CCDC196: variants seen among roughly 807,000 people sequenced by gnomAD.
CCDC196 encodes coiled-coil domain-containing protein 196.
Position 66,486,766 on chromosome 14 carries a change from T to C in CCDC196, c.160T>C (p.Leu54=). Residue 54 remains leucine, a synonymous_variant, in exon 2 of 10, where the codon TTA becomes CTA. Transcript: ENST00000636229. The part of the protein sequence containing the change: ...LKPLEDKNNL[L]FQKLMSNLEE... The stretch of plus-strand genomic sequence containing the variant: ...ACCTCTAGAAGATAAAAACAACCTC[T>C]TATTTCAAAAGTTAATGTCTAACTT... 1 of 413,384 alleles carries C rather than the reference T, an allele frequency of 2.4e-6. No homozygotes were observed. The highest frequency in any genetic ancestry group is 3.6e-5 in the East Asian group (1 of 28,070). The allele number at this position is 413,384 out of a possible 1,614,324, so 25.6% of individuals were successfully genotyped here.
intron 8 of CCDC196, chr14:66,496,179 A>G: frequency 2.3e-6 from 1 of 442,870 alleles, no homozygotes; most frequent in Non-Finnish European, 4.5e-6. Flanking sequence ...GAAAGGGTGG[A>G]ATATAATTTT....
At chr14:66,489,575 AATT>A (rs1322828307) in intron 4 of CCDC196, among the ~76,000 whole-genome samples, 9 of 152,066 alleles carry the variant, frequency 5.9e-5, no homozygotes, top group African/African-American at 1.4e-4. Context: ...TATAATATAA[AATT>A]ATTATTATTG....
At chr14:66,496,800 C>T (rs1267586952) in intron 8 of CCDC196, 1 of 161,012 alleles carries the variant, frequency 6.2e-6, no homozygotes, top group Non-Finnish European at 1.4e-5. Context: ...CTTTTCTCTC[C>T]TCCCCTCAAT....
intron 2 of CCDC196, among the ~76,000 whole-genome samples, chr14:66,487,653 G>A (rs112878934): frequency 4.9e-4 from 74 of 152,280 alleles, no homozygotes; most frequent in African/African-American, 1.5e-3. Flanking sequence ...ACTTCTTAAT[G>A]GCTTGCATTC....
Position 66,498,353 on chromosome 14 carries a change from A to G in CCDC196, c.775A>G (p.Arg259Gly), listed in dbSNP as rs2057715639. The G allele has an allele frequency of 7.9e-6, 3 of 378,374 alleles. No homozygotes were observed. Among genetic ancestry groups the G allele is most frequent in the African/African-American group, 5.2e-5 (2 of 38,360 alleles). The allele number at this position is 378,374 out of a possible 1,614,324, so 23.4% of individuals were successfully genotyped here. A position where few individuals can be genotyped will look rare whatever the true frequency, so the allele number is the denominator to read the frequency against. ...VTTGRNEHHV[R>G]ILGTKIYTEQ... ...TTTTCCTCTGTTTTTTCCTGTCTAG[A>G]GAATTCTGGGAACAAAGATCTACAC... Residue 259 changes from arginine (R) to glycine (G), a missense_variant and splice_region_variant, in exon 10 of 10, where the codon AGA becomes GGA. Coordinates refer to ENST00000636229, the MANE Select transcript of CCDC196 (RefSeq NM_001351576.1).
intron 2 of CCDC196, among the ~76,000 whole-genome samples, chr14:66,487,718 T>C (rs754784275): frequency 6.3e-4 from 96 of 152,114 alleles, no homozygotes; most frequent in African/African-American, 2.2e-3. Context: ...AATGTCCTCA[T>C]AGGAAGAAGC....
At chr14:66,488,880 T>A (rs963456449) in intron 3 of CCDC196, 107 bp from the exon 4 acceptor site, 4 of 410,536 alleles carry the variant, frequency 9.7e-6, no homozygotes, top group Non-Finnish European at 1.8e-5. Flanking sequence ...TGGTTTACTA[T>A]GTCCCTGGAC....
chr14:66,496,260 A>G, intron 8 of CCDC196: 1 of 456,246 alleles, frequency 2.2e-6, no homozygotes, highest in Non-Finnish European at 4.4e-6. Context: ...TGAAGAGTTT[A>G]CCTCAGTACT....
At position 66,486,546 on chromosome 14, in the gene CCDC196, A is replaced by G; in HGVS notation, c.44A>G (p.Glu15Gly). ...TCTTCAGGATCTTACCTGCCCTCAG[A>G]AATAAGGTGAGTCTTTGATGGAAAA... ...ANSSGSYLPS[E>G]IRSSKIDDNY... Residue 15 changes from glutamate to glycine, a missense_variant, in exon 1 of 10, where the codon GAA becomes GGA. Physicochemically the swap from Glu to Gly is moderately conservative, Grantham distance 98. Transcript: ENST00000636229. 1 of 413,160 alleles carries G rather than the reference A, an allele frequency of 2.4e-6. No homozygotes were observed. Among genetic ancestry groups the G allele is most frequent in the Non-Finnish European group, 4.4e-6 (1 of 226,078 alleles). 25.6% of individuals were successfully genotyped at this position (413,160 alleles called of 1,614,324 possible).
Position 66,490,752 on chromosome 14 carries a change from C to A in CCDC196, c.362C>A (p.Ala121Glu). The change falls in exon 5 of 10, where the codon GCA (alanine) becomes GAA (glutamate). Residue 121 changes from alanine (A) to glutamate (E), a missense_variant. By Grantham distance (107) the Ala-to-Glu change is moderately radical (BLOSUM62 -1). Coordinates refer to ENST00000636229, the MANE Select transcript of CCDC196 (RefSeq NM_001351576.1). The stretch of plus-strand genomic sequence containing the variant: ...AATGTCTTTCCACAGACATTCGAGG[C>A]AGAAGAACTTAGTGATCAACAAAAA... ...MEMLWNKTFEAEELSDQQKAP... is the reference protein window; with the variant it reads ...MEMLWNKTFEEEELSDQQKAP... 1 of 399,454 alleles carries A rather than the reference C, an allele frequency of 2.5e-6. No individual in the cohort carries two copies. Among genetic ancestry groups the A allele is most frequent in the Admixed American group, 4.4e-5 (1 of 22,716 alleles). 24.7% of individuals were successfully genotyped at this position (399,454 alleles called of 1,614,324 possible).
chr14:66,489,467 T>C (rs2057487896), intron 4 of CCDC196, among the ~76,000 whole-genome samples: 1 of 152,214 alleles, frequency 6.6e-6, no homozygotes, highest in Non-Finnish European at 1.5e-5. Context: ...AAATGTCATC[T>C]CCTTAGAGAA....
In CCDC196 at chr14:66,498,423, G is replaced by T; in HGVS notation, c.845G>T (p.Gly282Val). Reference protein sequence around the residue: ...TKGSQLDNTGGRLFFLRSLPD... With the variant: ...TKGSQLDNTGVRLFFLRSLPD... ...GGAAGTCAGCTTGATAATACAGGAGGGAGACTCTTTTTTCTGAGGTCATTG... is the reference window on the plus strand; with the variant it reads ...GGAAGTCAGCTTGATAATACAGGAGTGAGACTCTTTTTTCTGAGGTCATTG... The change falls in exon 10 of 10, where the codon GGG becomes GTG. Residue 282 changes from glycine (G) to valine (V), a missense_variant. Coordinates refer to ENST00000636229, the MANE Select transcript of CCDC196 (RefSeq NM_001351576.1). 1 of 413,468 alleles carries T rather than the reference G, an allele frequency of 2.4e-6. No individual in the cohort carries two copies. 25.6% of individuals were successfully genotyped at this position (413,468 alleles called of 1,614,324 possible).
At chr14:66,497,781 A>G (rs906929118) in intron 8 of CCDC196, among the ~76,000 whole-genome samples, 3 of 151,852 alleles carry the variant, frequency 2.0e-5, no homozygotes, top group Non-Finnish European at 2.9e-5. Flanking sequence ...TCCACTATCT[A>G]TAATTGACCA....
intron 8 of CCDC196, among the ~76,000 whole-genome samples, chr14:66,497,409 G>C (rs1274001420): frequency 6.6e-6 from 1 of 151,946 alleles, no homozygotes; most frequent in African/African-American, 2.4e-5. Context: ...TAATTTGTGG[G>C]CATCACACAC....
intron 7 of CCDC196, among the ~76,000 whole-genome samples, 165 bp from the exon 8 acceptor site, chr14:66,491,888 C>T (rs1457419): frequency 0.33 from 49,974 of 151,986 alleles, 12,178 homozygotes; most frequent in African/African-American, 0.66. Context: ...TTCTTGATTT[C>T]GTTCTATTCT....
chr14:66,486,754 A>G lies in CCDC196; in HGVS notation c.148A>G (p.Lys50Glu). 1 of 413,448 alleles carries G rather than the reference A, an allele frequency of 2.4e-6. No homozygotes were observed. The highest frequency in any genetic ancestry group is 4.4e-6 in the Non-Finnish European group (1 of 226,104). 25.6% of individuals were successfully genotyped at this position (413,448 alleles called of 1,614,324 possible). The change falls in exon 2 of 10, where the codon AAA (lysine) becomes GAA (glutamate). Residue 50 changes from lysine (K) to glutamate (E), a missense_variant. Physicochemically the swap from Lys to Glu is moderately conservative, Grantham distance 56. Transcript: ENST00000636229. The part of the protein sequence containing the change: ...LLEMLKPLED[K>E]NNLLFQKLMS... Reference sequence around the variant, plus strand: ...AGAGATGCTCAAACCTCTAGAAGATAAAAACAACCTCTTATTTCAAAAGTT... The same window carrying G: ...AGAGATGCTCAAACCTCTAGAAGATGAAAACAACCTCTTATTTCAAAAGTT...
At chr14:66,491,190 G>T (rs1353785120) in intron 6 of CCDC196, 86 bp downstream of exon 6, 1 of 406,934 alleles carries the variant, frequency 2.5e-6, no homozygotes, top group East Asian at 3.6e-5. Flanking sequence ...CTAAGGTATG[G>T]TGTGCTCTTG....
chr14:66,487,823 T>G (rs1217459594), intron 2 of CCDC196, among the ~76,000 whole-genome samples: 2 of 152,116 alleles, frequency 1.3e-5, no homozygotes, highest in Non-Finnish European at 2.9e-5. Flanking sequence ...AACCTCTTCT[T>G]ATAAAGGGGG....
chr14:66,491,435 T>C (rs1382317599), intron 6 of CCDC196, among the ~76,000 whole-genome samples, 191 bp from the exon 7 acceptor site: 1 of 152,206 alleles, frequency 6.6e-6, no homozygotes, highest in East Asian at 1.9e-4. Flanking sequence ...CAACATAAAA[T>C]AACCCTATTC....
Sources: gnomAD v4.1 joint callset for allele counts (sites outside exome capture counted in the v4.1 genomes callset) on GRCh38, gnomAD v4.1.1 for gene constraint, MANE v1.5 for transcripts, NCBI Gene and HGNC (gene_info 2026-07-23, HGNC 2026-07-21) for gene names.